Variants in RIC3 observed in about 807,000 individuals in gnomAD.
The protein encoded by RIC3 is protein RIC-3.
In RIC3, 28 loss-of-function variants were observed where a neutral mutation model predicts 27.3. The observed-to-expected ratio is 1.02, with a 90% CI of 0.76 to 1.41. The LOEUF (loss-of-function observed/expected upper bound fraction) is 1.41, where lower values mean the gene tolerates loss of function less well. Among genes scored for constraint, RIC3 ranks in the 40% most tolerant of loss-of-function variants. The pLI is 0.00. For synonymous variants in RIC3, 184 were observed against 160.4 expected (o/e 1.15, Z -1.11); for missense variants, 501 against 444.7 (o/e 1.13, Z -1.14).
At chr11:8,138,251 A>G in intron 3 of RIC3, 21 bp downstream of exon 3, 1 of 1,545,206 alleles carries the variant, frequency 6.5e-7, no homozygotes, top group Non-Finnish European at 9.0e-7. Context: ...ACCTGTGAAT[A>G]TACTGAGAAG....
chr11:8,167,940 T>C (rs1281238785), intron 1 of RIC3, among the ~76,000 whole-genome samples: 2 of 152,162 alleles, frequency 1.3e-5, no homozygotes, highest in Non-Finnish European at 1.5e-5. Context: ...TGTATGATGC[T>C]CAAGAGAATG....
At chr11:8,131,217 T>A (rs1947662408) in intron 4 of RIC3, among the ~76,000 whole-genome samples, 1 of 152,176 alleles carries the variant, frequency 6.6e-6, no homozygotes, top group Non-Finnish European at 1.5e-5. Flanking sequence ...AGAAGGATAA[T>A]CCCTGACCTC....
the RIC3 span, chr11:8,093,941 G>T: frequency 7.3e-7 from 1 of 1,371,916 alleles, no homozygotes; most frequent in Non-Finnish European, 1.0e-6. Context: ...GGTGGGACTC[G>T]GGGTGCAGTC....
Position 8,127,866 on chromosome 11 carries a change from C to A in RIC3, c.522-1059G>T, listed in dbSNP as rs575120628. 3.3e-5 allele frequency among the ~76,000 whole-genome samples: 5 copies of A among 152,250 alleles called. No homozygotes were observed. The South Asian group carries it at 1.0e-3, about 32-fold the overall frequency. On this transcript the variant is annotated intron_variant, in intron 4 of 5. Coordinates refer to ENST00000309737, the MANE Select transcript of RIC3 (RefSeq NM_001206671.4). Reference sequence around the variant, plus strand: ...ATTTCTCTGCTCAGCCTAACTTTAGCCTTAATGACTAATAAGGAAAATGAA... The same window carrying A: ...ATTTCTCTGCTCAGCCTAACTTTAGACTTAATGACTAATAAGGAAAATGAA...
In RIC3 at chr11:8,135,135, A is replaced by C. The variant is rs565392615; in HGVS notation, c.521+2243T>G. 3.3e-5 allele frequency among the ~76,000 whole-genome samples: 5 copies of C among 152,296 alleles called. No individual in the cohort carries two copies. In the South Asian group the frequency reaches 8.3e-4, roughly 25 times the overall value. ...TTTTAGGTCTAACATTTAAGTCTTT[A>C]AACCATCTTGAATTAATTTTTGTAT... On this transcript the variant is annotated intron_variant, in intron 4 of 5. Coordinates refer to ENST00000309737, the MANE Select transcript of RIC3 (RefSeq NM_001206671.4).
chr11:8,159,335 A>C (rs1315829476), intron 1 of RIC3, among the ~76,000 whole-genome samples: 1 of 152,230 alleles, frequency 6.6e-6, no homozygotes, highest in African/African-American at 2.4e-5. Context: ...TGGCCACAAC[A>C]AAGTGAGACA....
intron 1 of RIC3, among the ~76,000 whole-genome samples, chr11:8,161,397 A>G (rs1213686450): frequency 6.6e-6 from 1 of 152,216 alleles, no homozygotes; most frequent in East Asian, 1.9e-4. Context: ...ATCAACATCT[A>G]TCCCTTCACC....
rs148183673 is a variant in RIC3, at chr11:8,118,302, G to A, written c.671-7165C>T. ...ATTCACTGCTCCTATGAGGAAACCA[G>A]CAGTTCAAAATGAGGGAACAAAACT... On this transcript the variant is annotated intron_variant, in intron 5 of 5. Coordinates refer to ENST00000309737, the MANE Select transcript of RIC3 (RefSeq NM_001206671.4). Among the ~76,000 whole-genome samples the A allele has an allele frequency of 6.4e-3, 950 of 149,392 alleles. 22 individuals are homozygous for A. Among genetic ancestry groups the A allele is most frequent in the Admixed American group, 0.052 (774 of 15,028 alleles).
At chr11:8,145,393 T>C (rs1048147901) in intron 1 of RIC3, among the ~76,000 whole-genome samples, 1 of 152,120 alleles carries the variant, frequency 6.6e-6, no homozygotes, top group Non-Finnish European at 1.5e-5. Flanking sequence ...AGACCATTTC[T>C]CTAGCTCCTT....
intron 5 of RIC3, among the ~76,000 whole-genome samples, chr11:8,113,418 T>A (rs761797895): frequency 2.6e-5 from 4 of 152,076 alleles, no homozygotes; most frequent in Non-Finnish European, 4.4e-5. Flanking sequence ...TGCTGGCCCC[T>A]GCAGATACAG....
intron 5 of RIC3, among the ~76,000 whole-genome samples, chr11:8,119,402 C>T (rs12419684): frequency 5.4e-4 from 82 of 152,308 alleles, no homozygotes; most frequent in Admixed American, 4.8e-3. Flanking sequence ...ACATCTACAA[C>T]TATCTGATCT....
intron 5 of RIC3, among the ~76,000 whole-genome samples, chr11:8,111,834 A>G (rs1945296385): frequency 6.6e-6 from 1 of 152,272 alleles, no homozygotes; most frequent in African/African-American, 2.4e-5. Flanking sequence ...ATGAGAAAAG[A>G]GAAACTGTTG....
intron 1 of RIC3, among the ~76,000 whole-genome samples, chr11:8,144,348 C>T (rs1270500328): frequency 1.3e-5 from 2 of 150,302 alleles, no homozygotes; most frequent in East Asian, 3.9e-4. Context: ...AAACAAACAA[C>T]CCCATCAAAA....
At chr11:8,154,560 T>G (rs1053329548) in intron 1 of RIC3, among the ~76,000 whole-genome samples, 2 of 152,238 alleles carry the variant, frequency 1.3e-5, no homozygotes, top group Non-Finnish European at 2.9e-5. Flanking sequence ...ATGAACACTT[T>G]GGCCAACAAA....
chr11:8,148,668 T>TA (rs113043582), intron 1 of RIC3, among the ~76,000 whole-genome samples: 17,851 of 152,060 alleles, frequency 0.12, 1,429 homozygotes, highest in African/African-American at 0.22. Context: ...AATTTTAGGA[T>TA]CCTATTATGT....
At chr11:8,167,774 AG>A (rs1453608009) in intron 1 of RIC3, among the ~76,000 whole-genome samples, 1 of 152,126 alleles carries the variant, frequency 6.6e-6, no homozygotes, top group Non-Finnish European at 1.5e-5. Flanking sequence ...TAAGACAGAA[AG>A]GAAAAAAAAA....
At chr11:8,122,455 G>GTATATATATATATATATATA (rs200115129) in intron 5 of RIC3, among the ~76,000 whole-genome samples, 2 of 151,824 alleles carry the variant, frequency 1.3e-5, no homozygotes, top group Admixed American at 6.7e-5. Flanking sequence ...ACCACAGTGT[G>GTATATATATATATATATATA]TATATATATA....
downstream of RIC3, chr11:8,101,740 A>T: frequency 7.0e-7 from 1 of 1,429,324 alleles, no homozygotes; most frequent in Non-Finnish European, 9.2e-7. Context: ...TTTGGCCCTC[A>T]GTGGGCTCCC....
chr11:8,161,451 C>G (rs1420303914), intron 1 of RIC3, among the ~76,000 whole-genome samples: 1 of 152,172 alleles, frequency 6.6e-6, no homozygotes. Context: ...CCTCACTTTC[C>G]CATTCTATTT....
Sources: allele counts gnomAD v4.1 joint callset (sites outside exome capture counted in the v4.1 genomes callset), GRCh38; gene constraint gnomAD v4.1.1; transcripts MANE v1.5; gene names NCBI Gene and HGNC (gene_info 2026-07-23, HGNC 2026-07-21).